PTPRK: variants seen among roughly 807,000 people sequenced by gnomAD.
PTPRK encodes receptor-type tyrosine-protein phosphatase kappa.
A neutral mutation model predicts 178.0 loss-of-function variants in PTPRK; 75 were observed. That is an observed-to-expected ratio of 0.42 (90% CI 0.35 to 0.51). PTPRK has a LOEUF of 0.51. Ranked by LOEUF, PTPRK falls within the 20% of genes least tolerant of loss-of-function variation. The probability of loss-of-function intolerance (pLI) is 0.02; values close to 1 mark genes in which losing one functional copy is unlikely to be tolerated. For missense variants in PTPRK, 1,441 were observed against 1,797.8 expected (o/e 0.80, Z 3.59); for synonymous variants, 637 against 620.6 (o/e 1.03, Z -0.39).
chr6:128,164,034 T>C (rs977237981), intron 7 of PTPRK, among the ~76,000 whole-genome samples: 10 of 151,540 alleles, frequency 6.6e-5, no homozygotes, highest in Middle Eastern at 3.4e-3. Context: ...TCAAGTCCTC[T>C]CCATTATCTT....
intron 7 of PTPRK, among the ~76,000 whole-genome samples, chr6:128,124,623 G>A (rs2114418606): frequency 6.6e-6 from 1 of 151,936 alleles, no homozygotes; most frequent in Admixed American, 6.6e-5. Flanking sequence ...GGCAACCACT[G>A]ATCCCTTTAT....
chr6:128,012,800 T>C (rs1323657768), intron 13 of PTPRK, among the ~76,000 whole-genome samples: 1 of 151,446 alleles, frequency 6.6e-6, no homozygotes, highest in East Asian at 1.9e-4. Flanking sequence ...TCTTCTACTT[T>C]CATAATGGAC....
chr6:128,471,811 G>T (rs1026649290), intron 1 of PTPRK, among the ~76,000 whole-genome samples: 1 of 151,828 alleles, frequency 6.6e-6, no homozygotes, highest in Non-Finnish European at 1.5e-5. Flanking sequence ...TTTGGGGCTG[G>T]GTTTCAAATG....
Position 128,142,869 on chromosome 6 carries a change from T to C in PTPRK, c.1162+41563A>G, listed in dbSNP as rs186125903. Reference sequence around the variant, plus strand: ...CTTTGGTACTATCATATATAGGGCATGCTATATTTTAAACCAAAACCAAGT... The same window carrying C: ...CTTTGGTACTATCATATATAGGGCACGCTATATTTTAAACCAAAACCAAGT... On this transcript the variant is annotated intron_variant, in intron 7 of 29. Transcript: ENST00000368226. 6.2e-3 allele frequency among the ~76,000 whole-genome samples: 946 copies of C among 152,198 alleles called. 18 individuals are homozygous for C. Among genetic ancestry groups the C allele is most frequent in the African/African-American group, 0.022 (896 of 41,550 alleles).
At chr6:128,511,467 T>C (rs1857178013) in intron 1 of PTPRK, among the ~76,000 whole-genome samples, 1 of 152,190 alleles carries the variant, frequency 6.6e-6, no homozygotes, top group Admixed American at 6.5e-5. Context: ...CAGCAGATAA[T>C]TCACATTTCC....
chr6:128,101,417 T>C (rs938762940), intron 7 of PTPRK, among the ~76,000 whole-genome samples: 8 of 152,138 alleles, frequency 5.3e-5, no homozygotes, highest in African/African-American at 1.9e-4. Context: ...AAAGACATCA[T>C]TGGCTCTTCT....
At chr6:128,326,087 C>T (rs761884821) in intron 2 of PTPRK, among the ~76,000 whole-genome samples, 2 of 152,096 alleles carry the variant, frequency 1.3e-5, no homozygotes, top group South Asian at 2.1e-4. Flanking sequence ...CCAAACACCA[C>T]ATTTTCTCAC....
intron 15 of PTPRK, chr6:127,999,983 T>C: frequency 1.1e-6 from 1 of 928,116 alleles, no homozygotes; most frequent in Non-Finnish European, 1.3e-6. Flanking sequence ...ACAAGAACAT[T>C]TTTGCCTATG....
chr6:128,337,784 T>G (rs1297496107), intron 2 of PTPRK, among the ~76,000 whole-genome samples: 2 of 152,040 alleles, frequency 1.3e-5, no homozygotes, highest in East Asian at 3.9e-4. Context: ...AATCATGTAA[T>G]GGGGAGATAT....
intron 3 of PTPRK, among the ~76,000 whole-genome samples, chr6:128,255,582 C>T (rs1301229409): frequency 1.3e-5 from 2 of 152,202 alleles, no homozygotes; most frequent in Non-Finnish European, 2.9e-5. Flanking sequence ...AGATATTTAA[C>T]CTGTTTAACC....
At chr6:128,467,548 G>A (rs369827565) in intron 1 of PTPRK, among the ~76,000 whole-genome samples, 2 of 152,140 alleles carry the variant, frequency 1.3e-5, no homozygotes, top group Non-Finnish European at 2.9e-5. Context: ...TCACCAACGC[G>A]AAGCATGTTT....
intron 2 of PTPRK, among the ~76,000 whole-genome samples, chr6:128,375,082 T>G (rs1836855164): frequency 6.8e-6 from 1 of 147,286 alleles, no homozygotes; most frequent in South Asian, 2.1e-4. Flanking sequence ...TTATTATTAT[T>G]ATTATTATTA....
At chr6:128,505,459 A>G (rs911082332) in intron 1 of PTPRK, among the ~76,000 whole-genome samples, 1 of 151,906 alleles carries the variant, frequency 6.6e-6, no homozygotes, top group East Asian at 2.0e-4. Flanking sequence ...ATAAATACAC[A>G]CATAAAATAA....
At chr6:128,235,089 A>T (rs1812987342) in intron 5 of PTPRK, among the ~76,000 whole-genome samples, 1 of 152,196 alleles carries the variant, frequency 6.6e-6, no homozygotes, top group South Asian at 2.1e-4. Context: ...ATCATTACAC[A>T]TTATATGCTT....
chr6:128,333,558 A>C (rs1441894915), intron 2 of PTPRK, among the ~76,000 whole-genome samples: 1 of 152,056 alleles, frequency 6.6e-6, no homozygotes, highest in Non-Finnish European at 1.5e-5. Context: ...AAAAATGCTA[A>C]CAATCATCTG....
At chr6:128,212,494 G>C (rs1217028997) in intron 6 of PTPRK, among the ~76,000 whole-genome samples, 1 of 152,000 alleles carries the variant, frequency 6.6e-6, no homozygotes, top group Non-Finnish European at 1.5e-5. Context: ...GAGTCCCTTG[G>C]TAGACGGAAA....
At chr6:128,339,947 G>C (rs2128330506) in intron 2 of PTPRK, among the ~76,000 whole-genome samples, 1 of 152,138 alleles carries the variant, frequency 6.6e-6, no homozygotes, top group African/African-American at 2.4e-5. Flanking sequence ...TGTTCTAGTT[G>C]CCCAGAATCA....
At chr6:128,380,671 T>C (rs932423171) in intron 2 of PTPRK, among the ~76,000 whole-genome samples, 1 of 151,914 alleles carries the variant, frequency 6.6e-6, no homozygotes, top group African/African-American at 2.4e-5. Flanking sequence ...ACAAAGTAAC[T>C]GAAAATACAT....
intron 5 of PTPRK, among the ~76,000 whole-genome samples, chr6:128,239,125 G>GTTTTTTTTTTTTTT (rs71833785): frequency 1.0e-5 from 1 of 98,780 alleles, no homozygotes; most frequent in African/African-American, 3.2e-5. Context: ...AACTCATCTT[G>GTTTTTTTTTTTTTT]TTTTTTTTTT....
Sources: allele counts gnomAD v4.1 joint callset (sites outside exome capture counted in the v4.1 genomes callset), GRCh38; gene constraint gnomAD v4.1.1; transcripts MANE v1.5; gene names NCBI Gene and HGNC (gene_info 2026-07-23, HGNC 2026-07-21).